NBPF9: variants seen among roughly 807,000 people sequenced by gnomAD.
NBPF9 encodes NBPF member 9.
NBPF9 carries 91 observed loss-of-function variants against 97.8 expected under a neutral mutation model. The ratio of observed to expected loss-of-function variants is 0.93; its 90% CI spans 0.79 to 1.11. The LOEUF is 1.11. Ranked by LOEUF, NBPF9 falls within the 50% of genes least tolerant of loss-of-function variation. The pLI, the probability that NBPF9 is intolerant of heterozygous loss-of-function variation, is 0.00. For synonymous variants in NBPF9, 334 were observed against 359.5 expected (o/e 0.93, Z 0.80); for missense variants, 992 against 939.5 (o/e 1.06, Z -0.73).
Position 149,059,261 on chromosome 1 carries a change from A to C in NBPF9, c.2586-164T>G. On this transcript the variant is annotated intron_variant, in intron 25 of 29. Transcript: ENST00000584027. ...CTTTAGGTTGGGATAGACCAGGGCC[A>C]GGTAGAAAAGAATGAAAGAGAAAGA... The C allele has an allele frequency of 6.4e-6, 3 of 467,152 alleles. 1 individual carries two copies. The highest frequency in any genetic ancestry group is 2.4e-5 in the South Asian group (1 of 42,466). 28.9% of individuals were successfully genotyped at this position (467,152 alleles called of 1,614,324 possible). A position where few individuals can be genotyped will look rare whatever the true frequency, so the allele number is the denominator to read the frequency against.
chr1:149,090,697 C>T, intron 5 of NBPF9, 56 bp downstream of exon 5: 1 of 544,602 alleles, frequency 1.8e-6, no homozygotes, highest in South Asian at 2.3e-5. Flanking sequence ...CCATCTCTGC[C>T]CTGGAAAAAC....
chr1:149,083,672 A>T, intron 5 of NBPF9, among the ~76,000 whole-genome samples: 2 of 151,938 alleles, frequency 1.3e-5, no homozygotes, highest in Middle Eastern at 6.8e-3. Flanking sequence ...CCATTTATAC[A>T]TACATATTTT....
chr1:149,090,051 A>G (rs2081317724), intron 5 of NBPF9, among the ~76,000 whole-genome samples: 1 of 151,776 alleles, frequency 6.6e-6, no homozygotes, highest in Non-Finnish European at 1.5e-5. Context: ...ACCTGCCTGA[A>G]TTAAAGCTGA....
At position 149,055,880 on chromosome 1, in the gene NBPF9, C is replaced by A. The variant is rs1553648744; in HGVS notation, c.3112G>T (p.Glu1038Ter). 15 of 1,611,106 alleles carry A rather than the reference C, an allele frequency of 9.3e-6. No homozygotes were observed. Among genetic ancestry groups the A allele is most frequent in the Middle Eastern group, 2.3e-4 (1 of 4,426 alleles). The change falls in exon 30 of 30, where the codon GAA (glutamate) becomes TAA (stop). Residue 1038 changes from glutamate (E) to a stop codon, truncating the protein, a stop_gained. Transcript: ENST00000584027. LOFTEE classifies it low-confidence loss of function (END_TRUNC). ...TGCAAGACTTCAGGCTCTTCCACTT[C>A]CATCAGCACGCCGTTGAGCCTGGAA...
chr1:149,055,326 G>T (rs1283326419), exon 30 of NBPF9: 18 of 498,514 alleles, frequency 3.6e-5, no homozygotes, highest in Non-Finnish European at 5.3e-5. Context: ...ACCTTGAGCA[G>T]GTATAGAAGC....
chr1:149,064,277 T>G (rs113640672), intron 19 of NBPF9, among the ~76,000 whole-genome samples, 154 bp downstream of exon 19: 1 of 134,260 alleles, frequency 7.4e-6, no homozygotes, highest in African/African-American at 3.1e-5. Context: ...ACCTAAACAT[T>G]TACTCTAATG....
chr1:149,071,213 G>C lies in NBPF9; in HGVS notation c.1380-74C>G, dbSNP rs587609253. On this transcript the variant is annotated intron_variant, in intron 15 of 29. Coordinates refer to ENST00000584027, the Ensembl canonical transcript of NBPF9. Reference sequence around the variant, plus strand: ...ATTGGACCCCAGGGAGTCCTAGCTGGTTTTGACAGGCGGCATTAAGAGAGT... The same window carrying C: ...ATTGGACCCCAGGGAGTCCTAGCTGCTTTTGACAGGCGGCATTAAGAGAGT... 3.6e-6 allele frequency: 4 copies of C among 1,120,200 alleles called. No homozygotes were observed. The African/African-American group carries it at 4.6e-5, about 13-fold the overall frequency. The allele number at this position is 1,120,200 out of a possible 1,614,324, so 69.4% of individuals were successfully genotyped here.
At chr1:149,084,357 A>G (rs2080806487) in intron 5 of NBPF9, among the ~76,000 whole-genome samples, 2 of 147,760 alleles carry the variant, frequency 1.4e-5, no homozygotes, top group Non-Finnish European at 3.0e-5. Context: ...ATATACGTGT[A>G]TATACATACG....
exon 30 of NBPF9, chr1:149,055,640 G>C (rs782657497): frequency 1.1e-5 from 17 of 1,611,676 alleles, no homozygotes; most frequent in Non-Finnish European, 1.4e-5. Context: ...ACATCTCTCG[G>C]CTTAGTAAGG....
intron 7 of NBPF9, among the ~76,000 whole-genome samples, chr1:149,080,852 T>G (rs1281413355): frequency 3.5e-4 from 53 of 150,496 alleles, no homozygotes; most frequent in African/African-American, 1.2e-3. Flanking sequence ...AAATGCCTCA[T>G]GTAATTCATT....
chr1:149,100,214 G>A (rs1257357071), intron 3 of NBPF9, among the ~76,000 whole-genome samples: 2 of 135,126 alleles, frequency 1.5e-5, no homozygotes, highest in Non-Finnish European at 3.1e-5. Flanking sequence ...AGTCAAAACT[G>A]TAGCTCTGTG....
intron 12 of NBPF9, among the ~76,000 whole-genome samples, chr1:149,075,019 C>G (rs1208295146): frequency 6.6e-6 from 1 of 151,080 alleles, no homozygotes; most frequent in Admixed American, 6.6e-5. Flanking sequence ...TCCATGTTGC[C>G]CAGGCTGGTC....
At chr1:149,059,983 T>A in intron 24 of NBPF9, 175 bp from the exon 25 acceptor site, 2 of 408,578 alleles carry the variant, frequency 4.9e-6, no homozygotes, top group East Asian at 5.7e-5. Flanking sequence ...TCCTCAGTTT[T>A]TCTCCCAGAA....
chr1:149,063,993 G>GACACACACAC (rs67607610), intron 19 of NBPF9, among the ~76,000 whole-genome samples, 188 bp from the exon 20 acceptor site: 11 of 106,988 alleles, frequency 1.0e-4, no homozygotes, highest in Non-Finnish European at 2.1e-4. Flanking sequence ...GAAAGAGAAA[G>GACACACACAC]ACACACACAC....
chr1:149,084,167 G>GGGAGGGATAGC (rs2080773364), intron 5 of NBPF9, among the ~76,000 whole-genome samples: 1 of 148,632 alleles, frequency 6.7e-6, no homozygotes, highest in African/African-American at 2.5e-5. Context: ...TGAGGGCTGG[G>GGGAGGGATAGC]GGAGGGATAG....
At position 149,101,258 on chromosome 1, in the gene NBPF9, TCA is replaced by T. The variant is rs1467134324; in HGVS notation, c.-606+2_-606+3del. On this transcript the variant is annotated splice_donor_variant and splice_donor_region_variant and intron_variant, in intron 3 of 29. Coordinates refer to ENST00000584027, the Ensembl canonical transcript of NBPF9. LOFTEE classifies it low-confidence loss of function (5UTR_SPLICE). ...AGAAAAGAGCTGAGTGTGGTGGTGC[TCA>T]CCTGTAGGTCCCAGCTACTTGGGGG... The T allele has an allele frequency of 6.7e-6, 1 of 149,374 alleles. No homozygotes were observed. The highest frequency in any genetic ancestry group is 2.5e-5 in the African/African-American group (1 of 40,522). The allele number at this position is 149,374 out of a possible 1,614,324, so 9.3% of individuals were successfully genotyped here.
chr1:149,076,305 C>T (rs2079863532), intron 11 of NBPF9, among the ~76,000 whole-genome samples: 1 of 151,102 alleles, frequency 6.6e-6, no homozygotes, highest in Non-Finnish European at 1.5e-5. Context: ...TCAAGTGATT[C>T]TCATCCCTCA....
At chr1:149,099,725 C>T (rs1275550073) in intron 3 of NBPF9, among the ~76,000 whole-genome samples, 9 of 151,982 alleles carry the variant, frequency 5.9e-5, no homozygotes, top group Non-Finnish European at 8.8e-5. Flanking sequence ...TGGCTTATGC[C>T]TGTAATCCCA....
chr1:149,089,945 G>C (rs1301238156), intron 5 of NBPF9, among the ~76,000 whole-genome samples: 2 of 152,164 alleles, frequency 1.3e-5, no homozygotes, highest in Non-Finnish European at 2.9e-5. Flanking sequence ...GTCAGGGGCA[G>C]CATCAGCCAC....
Sources: allele counts gnomAD v4.1 joint callset (sites outside exome capture counted in the v4.1 genomes callset), GRCh38; gene constraint gnomAD v4.1.1; transcripts MANE v1.5; gene names NCBI Gene and HGNC (gene_info 2026-07-23, HGNC 2026-07-21).